The following HSPBAP1 variants were observed in gnomAD, a reference collection of about 807,000 sequenced individuals.
HSPBAP1 encodes HSPB1-associated protein 1.
HSPBAP1 carries 27 observed loss-of-function variants against 45.2 expected under a neutral mutation model. That is an observed-to-expected ratio of 0.60 (90% CI 0.44 to 0.82). The LOEUF is 0.82. HSPBAP1 is among the 40% of genes least tolerant of loss of function. The pLI is 0.00. For synonymous variants in HSPBAP1, 204 were observed against 202.7 expected, an observed-to-expected ratio of 1.01 and a Z score of -0.06; for missense variants, 510 against 590.9, an observed-to-expected ratio of 0.86 and a Z score of 1.42.
chr3:122,778,992 T>C (rs544280434), intron 1 of HSPBAP1, among the ~76,000 whole-genome samples: 89 of 152,162 alleles, frequency 5.8e-4, no homozygotes, highest in Non-Finnish European at 1.2e-3. Flanking sequence ...TTTTGTTTGC[T>C]TCTCCATATT....
Position 122,768,738 on chromosome 3 carries a change from A to C in HSPBAP1, c.395T>G (p.Phe132Cys). The change falls in exon 3 of 8, where the codon TTT (phenylalanine) becomes TGT (cysteine). Residue 132 changes from phenylalanine to cysteine, a missense_variant. Phe to Cys is a radical substitution (Grantham distance 205, BLOSUM62 -2). Transcript: ENST00000306103. Reference protein sequence around the residue: ...KFWAYADYKYFVSLFEDKTDL... With the variant: ...KFWAYADYKYCVSLFEDKTDL... ...TGTCTTGTCTTCAAATAGACTGACA[A>C]AATATTTATAGTCAGCATAAGCCCA... 1 of 1,612,926 alleles carries C rather than the reference A, an allele frequency of 6.2e-7. No individual in the cohort carries two copies. Among genetic ancestry groups the C allele is most frequent in the African/African-American group, 1.3e-5 (1 of 75,038 alleles).
chr3:122,778,865 A>G lies in HSPBAP1; in HGVS notation c.65-959T>C, dbSNP rs185381640. Among the ~76,000 whole-genome samples the G allele has an allele frequency of 6.3e-3, 962 of 152,128 alleles. 10 individuals are homozygous for G. Among genetic ancestry groups the G allele is most frequent in the African/African-American group, 0.022 (895 of 41,514 alleles). On this transcript the variant is annotated intron_variant, in intron 1 of 7. Transcript: ENST00000306103. ...ATGATTTCTAAACATTTAAATATCA[A>G]TGGTTTCTGGAAGATGCTGTTATCC...
chr3:122,780,022 G>C (rs1414490188), intron 1 of HSPBAP1, among the ~76,000 whole-genome samples: 1 of 152,100 alleles, frequency 6.6e-6, no homozygotes, highest in African/African-American at 2.4e-5. Flanking sequence ...GAGCTGCTGG[G>C]TACACCTCCC....
intron 2 of HSPBAP1, among the ~76,000 whole-genome samples, chr3:122,775,689 G>A (rs1212812864): frequency 2.0e-5 from 3 of 152,196 alleles, no homozygotes; most frequent in Middle Eastern, 3.2e-3. Context: ...CATTGAAGGT[G>A]AGAATATAAA....
Position 122,740,308 on chromosome 3 carries a change from TA to T in HSPBAP1, c.*36del, listed in dbSNP as rs759117058. ...GTCATACTACTTAAAAATATATATT[TA>T]AAAAATATTATTTTAAAAGTCATCT... is the stretch of plus-strand genomic sequence containing the variant. On this transcript the variant is annotated 3_prime_UTR_variant, in exon 8 of 8. Coordinates refer to ENST00000306103, the MANE Select transcript of HSPBAP1 (RefSeq NM_024610.6). 13 of 1,325,090 alleles carry T rather than the reference TA, an allele frequency of 9.8e-6. No individual in the cohort carries two copies. Among genetic ancestry groups the T allele is most frequent in the Non-Finnish European group, 1.3e-5 (13 of 990,932 alleles). The allele number at this position is 1,325,090 out of a possible 1,614,324, so 82.1% of individuals were successfully genotyped here. A position where few individuals can be genotyped will look rare whatever the true frequency, so the allele number is the denominator to read the frequency against.
At chr3:122,779,558 G>C (rs915181855) in intron 1 of HSPBAP1, among the ~76,000 whole-genome samples, 2 of 150,120 alleles carry the variant, frequency 1.3e-5, no homozygotes, top group African/African-American at 4.9e-5. Context: ...CTCGCAGAGG[G>C]GGATCTGGCA....
intron 1 of HSPBAP1, among the ~76,000 whole-genome samples, chr3:122,779,571 G>C: frequency 1.3e-5 from 2 of 151,374 alleles, no homozygotes; most frequent in Non-Finnish European, 2.9e-5. Context: ...ATCTGGCAGG[G>C]TCATAGGACA....
chr3:122,748,781 T>G (rs1934020924), intron 6 of HSPBAP1, among the ~76,000 whole-genome samples: 1 of 152,186 alleles, frequency 6.6e-6, no homozygotes, highest in Admixed American at 6.5e-5. Context: ...AAACAACATA[T>G]GCACAAGGTT....
chr3:122,785,237 C>T (rs1011707810), intron 1 of HSPBAP1, among the ~76,000 whole-genome samples: 1 of 152,206 alleles, frequency 6.6e-6, no homozygotes, highest in Non-Finnish European at 1.5e-5. Flanking sequence ...TGTATGTGCA[C>T]GTGCACTCAT....
chr3:122,778,751 C>T (rs1390181208), intron 1 of HSPBAP1, among the ~76,000 whole-genome samples: 1 of 152,022 alleles, frequency 6.6e-6, no homozygotes, highest in East Asian at 1.9e-4. Context: ...AAAATGGTCT[C>T]GATCTCCTGA....
In HSPBAP1 at chr3:122,740,789, T is replaced by G; in HGVS notation, c.1023A>C (p.Val341=). The change falls in exon 8 of 8, where the codon GTA becomes GTC. Residue 341 remains valine (V), a synonymous_variant. Coordinates refer to ENST00000306103, the MANE Select transcript of HSPBAP1 (RefSeq NM_024610.6). The part of the protein sequence containing the change: ...AFFDRCRTSE[V]VEIQALRTDG... ...CTGTTCTCAGTGCTTGGATTTCTAC[T>G]ACCTCAGATGTTCTGCAGCGATCAA... 1 of 1,614,106 alleles carries G rather than the reference T, an allele frequency of 6.2e-7. No homozygotes were observed.
intron 3 of HSPBAP1, among the ~76,000 whole-genome samples, chr3:122,766,914 A>C (rs781095130): frequency 2.0e-5 from 3 of 152,238 alleles, no homozygotes; most frequent in Non-Finnish European, 2.9e-5. Flanking sequence ...CCAAAAAGTA[A>C]GTACATGATC....
intron 1 of HSPBAP1, among the ~76,000 whole-genome samples, chr3:122,787,239 A>G (rs1423500469): frequency 6.6e-6 from 1 of 152,254 alleles, no homozygotes; most frequent in African/African-American, 2.4e-5. Flanking sequence ...CTTTGGAGAT[A>G]GTGAAACATC....
intron 3 of HSPBAP1, among the ~76,000 whole-genome samples, chr3:122,760,582 C>T (rs1364677575): frequency 6.6e-6 from 1 of 151,458 alleles, no homozygotes; most frequent in African/African-American, 2.4e-5. Context: ...ATGAAAATGG[C>T]TGAATACGTG....
intron 6 of HSPBAP1, among the ~76,000 whole-genome samples, chr3:122,751,981 T>C (rs974143609): frequency 6.6e-6 from 1 of 152,176 alleles, no homozygotes; most frequent in Non-Finnish European, 1.5e-5. Context: ...TCAGGGCCTC[T>C]GGTTAAAGAG....
At chr3:122,792,778 G>C (rs1935873412) in intron 1 of HSPBAP1, among the ~76,000 whole-genome samples, 1 of 151,768 alleles carries the variant, frequency 6.6e-6, no homozygotes, top group South Asian at 2.1e-4. Flanking sequence ...CGCTGAGGCA[G>C]AAGAATTGCT....
intron 6 of HSPBAP1, among the ~76,000 whole-genome samples, chr3:122,742,682 G>A (rs1214520071): frequency 6.6e-6 from 1 of 152,186 alleles, no homozygotes; most frequent in African/African-American, 2.4e-5. Flanking sequence ...ACTCAATAAT[G>A]TATGTGGTCC....
chr3:122,757,211 T>C (rs1052523077), intron 4 of HSPBAP1, among the ~76,000 whole-genome samples: 3 of 152,236 alleles, frequency 2.0e-5, no homozygotes, highest in African/African-American at 7.2e-5. Context: ...AAACTTCTCA[T>C]GGTTCTGGAT....
intron 1 of HSPBAP1, among the ~76,000 whole-genome samples, chr3:122,786,906 AT>A (rs920785263): frequency 1.3e-5 from 2 of 152,256 alleles, no homozygotes; most frequent in African/African-American, 4.8e-5. Flanking sequence ...CATTAAATTA[AT>A]GAATTTAAAT....
Sources: allele counts gnomAD v4.1 joint callset (sites outside exome capture counted in the v4.1 genomes callset), GRCh38; gene constraint gnomAD v4.1.1; transcripts MANE v1.5; gene names NCBI Gene and HGNC (gene_info 2026-07-23, HGNC 2026-07-21).